The following RIC3 variants were observed in gnomAD, a reference collection of about 807,000 sequenced individuals.
RIC3 encodes RIC3 acetylcholine receptor chaperone.
Under a neutral mutation model 27.3 loss-of-function variants are expected in RIC3, and 28 were observed. The observed-to-expected ratio is 1.02, with a 90% confidence interval of 0.76 to 1.41. The LOEUF (loss-of-function observed/expected upper bound fraction) is 1.41, where lower values mean the gene tolerates loss of function less well. Among genes scored for constraint, RIC3 ranks in the 40% most tolerant of loss-of-function variants. RIC3 has a pLI of 0.00. For synonymous variants in RIC3, 184 were observed against 160.4 expected, an observed-to-expected ratio of 1.15 and a Z score of -1.11; for missense variants, 501 against 444.7, an observed-to-expected ratio of 1.13 and a Z score of -1.14.
the RIC3 span, among the ~76,000 whole-genome samples, chr11:8,098,441 T>C: frequency 1.3e-5 from 2 of 152,304 alleles, no homozygotes; most frequent in East Asian, 3.9e-4. Context: ...TCTTATCAGA[T>C]GCCATTCTGT....
intron 4 of RIC3, among the ~76,000 whole-genome samples, chr11:8,131,313 T>C (rs1321661522): frequency 2.6e-5 from 4 of 152,128 alleles, no homozygotes; most frequent in Non-Finnish European, 5.9e-5. Context: ...ATATGGGAAG[T>C]AAAATAAAAG....
intron 1 of RIC3, among the ~76,000 whole-genome samples, chr11:8,160,735 C>A (rs1468979094): frequency 2.0e-5 from 3 of 152,202 alleles, no homozygotes; most frequent in Non-Finnish European, 4.4e-5. Context: ...CTTTCATGAA[C>A]TGTCTTAGAT....
chr11:8,097,813 A>G, the RIC3 span: 1 of 1,613,550 alleles, frequency 6.2e-7, no homozygotes, highest in Non-Finnish European at 8.5e-7. Context: ...GGACAGCTAT[A>G]TCGGGAAACT....
intron 2 of RIC3, chr11:8,139,636 ATTTTTT>A (rs72265360): frequency 1.4e-4 from 13 of 92,696 alleles, no homozygotes; most frequent in East Asian, 1.0e-3. Context: ...AAAGATGTTA[ATTTTTT>A]TTTTTTTTTT....
chr11:8,158,087 C>T (rs1950833195), intron 1 of RIC3, among the ~76,000 whole-genome samples: 2 of 152,102 alleles, frequency 1.3e-5, no homozygotes, highest in African/African-American at 2.4e-5. Context: ...CATACCAACA[C>T]ATAAGAAGCT....
chr11:8,133,192 T>C (rs921044127), intron 4 of RIC3, among the ~76,000 whole-genome samples: 2 of 152,176 alleles, frequency 1.3e-5, no homozygotes, highest in East Asian at 1.9e-4. Flanking sequence ...CCCTTCCGCC[T>C]TTCCACCATA....
At chr11:8,121,335 T>C (rs922296024) in intron 5 of RIC3, among the ~76,000 whole-genome samples, 2 of 152,224 alleles carry the variant, frequency 1.3e-5, no homozygotes, top group African/African-American at 4.8e-5. Context: ...ATATGTTTCA[T>C]AGCTGGTTGC....
chr11:8,124,016 A>T (rs929391780), intron 5 of RIC3, among the ~76,000 whole-genome samples: 8 of 151,054 alleles, frequency 5.3e-5, no homozygotes, highest in African/African-American at 1.9e-4. Context: ...ACAGTGAGCC[A>T]TGATCACGTG....
At chr11:8,118,040 G>A (rs1946047811) in intron 5 of RIC3, among the ~76,000 whole-genome samples, 1 of 151,642 alleles carries the variant, frequency 6.6e-6, no homozygotes, top group Admixed American at 6.6e-5. Flanking sequence ...GGCTAACACG[G>A]TGAAACCCCA....
At chr11:8,159,024 C>A (rs1565124913) in intron 1 of RIC3, among the ~76,000 whole-genome samples, 1 of 151,664 alleles carries the variant, frequency 6.6e-6, no homozygotes, top group African/African-American at 2.4e-5. Flanking sequence ...AGCCACCGCG[C>A]TCGGCCACAG....
intron 1 of RIC3, among the ~76,000 whole-genome samples, chr11:8,147,994 G>T (rs1219575106): frequency 6.6e-6 from 1 of 152,076 alleles, no homozygotes; most frequent in African/African-American, 2.4e-5. Flanking sequence ...CAAAGTGCTG[G>T]GATTACAGGC....
At chr11:8,127,030 T>C (rs1317702112) in intron 4 of RIC3, 2 of 574,026 alleles carry the variant, frequency 3.5e-6, no homozygotes, top group Non-Finnish European at 6.1e-6. Context: ...GATCAAGTGA[T>C]TGCCCAAGGT....
At chr11:8,102,684 G>A (rs941551005), downstream of RIC3, 1 of 152,200 alleles carries the variant, frequency 6.6e-6, no homozygotes, top group East Asian at 1.9e-4. Flanking sequence ...GTTCTTGGGA[G>A]GGAATGGGAC....
chr11:8,116,295 A>T (rs576447743), intron 5 of RIC3, among the ~76,000 whole-genome samples: 1 of 152,364 alleles, frequency 6.6e-6, no homozygotes, highest in South Asian at 2.1e-4. Flanking sequence ...AATGCACTGA[A>T]GACTTAAACA....
At chr11:8,117,599 A>G (rs1420198860) in intron 5 of RIC3, among the ~76,000 whole-genome samples, 1 of 100,750 alleles carries the variant, frequency 9.9e-6, no homozygotes, top group East Asian at 3.2e-4. Flanking sequence ...GATAGGAGGA[A>G]TAAATAAGTT....
intron 1 of RIC3, among the ~76,000 whole-genome samples, chr11:8,146,121 G>A (rs1949650737): frequency 6.6e-6 from 1 of 152,194 alleles, no homozygotes; most frequent in Non-Finnish European, 1.5e-5. Flanking sequence ...TGACAATAGT[G>A]TAGTAGGGAG....
chr11:8,097,351 C>T, the RIC3 span: 14 of 1,614,068 alleles, frequency 8.7e-6, no homozygotes, highest in South Asian at 4.4e-5. Context: ...CCGCATCACT[C>T]GGGACAAGAA....
rs935763188 is a variant in RIC3, at chr11:8,168,847, G to A, written c.124+19C>T. 2 of 1,605,458 alleles carry A rather than the reference G, an allele frequency of 1.2e-6. No individual in the cohort carries two copies. Among genetic ancestry groups the A allele is most frequent in the South Asian group, 2.2e-5 (2 of 90,706 alleles). On this transcript the variant is annotated intron_variant, in intron 1 of 5. Transcript: ENST00000309737. ...CTCTTCGGCGCCGGGAAGCTCAGAG[G>A]GAGCTGGCCTGCTCTTACCTTCAGG...
chr11:8,100,882 G>C, the RIC3 span: 5 of 1,614,040 alleles, frequency 3.1e-6, no homozygotes, highest in Admixed American at 8.3e-5. Flanking sequence ...GTATCATCGA[G>C]CTGCAAAACA....
Sources: gnomAD v4.1 joint callset for allele counts (sites outside exome capture counted in the v4.1 genomes callset) on GRCh38, gnomAD v4.1.1 for gene constraint, MANE v1.5 for transcripts, NCBI Gene and HGNC (gene_info 2026-07-23, HGNC 2026-07-21) for gene names.